CLVS1: variants seen among roughly 807,000 people sequenced by gnomAD.
The protein encoded by CLVS1 is clavesin 1.
Under a neutral mutation model 33.1 loss-of-function variants are expected in CLVS1, and 10 were observed. The ratio of observed to expected loss-of-function variants is 0.30; its 90% CI spans 0.19 to 0.51. The LOEUF is 0.51. Ranked by LOEUF, CLVS1 falls within the 20% of genes least tolerant of loss-of-function variation. The pLI is 0.97. For missense variants in CLVS1, 343 were observed against 433.4 expected, an observed-to-expected ratio of 0.79 and a Z score of 1.85; for synonymous variants, 163 against 166.1, an observed-to-expected ratio of 0.98 and a Z score of 0.14.
intron 1 of CLVS1, among the ~76,000 whole-genome samples, chr8:61,130,822 G>A (rs1432353896): frequency 1.3e-5 from 2 of 152,198 alleles, no homozygotes; most frequent in African/African-American, 2.4e-5. Context: ...TGCTGCCAGA[G>A]GCTCCTTAGG....
intron 2 of CLVS1, among the ~76,000 whole-genome samples, chr8:61,148,335 T>C (rs1259638678): frequency 6.6e-6 from 1 of 152,216 alleles, no homozygotes; most frequent in Non-Finnish European, 1.5e-5. Flanking sequence ...GCTTATCAAA[T>C]CTGTGGTGAC....
the CLVS1 span, among the ~76,000 whole-genome samples, chr8:60,994,064 A>G: frequency 6.6e-6 from 1 of 152,170 alleles, no homozygotes; most frequent in African/African-American, 2.4e-5. Flanking sequence ...GGTGGCTTAA[A>G]CAGCAGAAAT....
At chr8:61,448,345 T>C (rs1317240508) in intron 3 of CLVS1, among the ~76,000 whole-genome samples, 1 of 152,108 alleles carries the variant, frequency 6.6e-6, no homozygotes, top group Admixed American at 6.5e-5. Flanking sequence ...AGCCTCGATC[T>C]CTCTCCTTCC....
At chr8:61,331,852 T>TC (rs1563499949) in intron 2 of CLVS1, among the ~76,000 whole-genome samples, 16 of 141,710 alleles carry the variant, frequency 1.1e-4, no homozygotes, top group African/African-American at 4.8e-4. Flanking sequence ...TCCTCCTCCT[T>TC]CTTCTTCTCC....
chr8:61,038,832 TC>T, the CLVS1 span, among the ~76,000 whole-genome samples: 2 of 152,202 alleles, frequency 1.3e-5, no homozygotes, highest in African/African-American at 4.8e-5. Flanking sequence ...ATGAAGTGAC[TC>T]CGGACACTCA....
At position 61,081,218 on chromosome 8, in the gene CLVS1, C is replaced by T. The variant is rs548293442; in HGVS notation, c.-243+23988C>T. 9.2e-5 allele frequency among the ~76,000 whole-genome samples: 14 copies of T among 152,214 alleles called. No homozygotes were observed. The South Asian group carries it at 2.9e-3, about 32-fold the overall frequency. On this transcript the variant is annotated intron_variant, in intron 1 of 2. Coordinates refer to the CLVS1 transcript ENST00000522621. ...ACTGAGTTGCTTGGGAAGAGATCTG[C>T]AGAGAGCTGATAGAGTGCCCTCTGA...
intron 3 of CLVS1, among the ~76,000 whole-genome samples, chr8:61,448,193 A>G (rs1340978659): frequency 6.6e-6 from 1 of 152,058 alleles, no homozygotes; most frequent in East Asian, 1.9e-4. Flanking sequence ...TGAGCTTTCA[A>G]AAATATAATT....
At chr8:61,369,834 T>C (rs1404570461) in intron 2 of CLVS1, among the ~76,000 whole-genome samples, 1 of 152,174 alleles carries the variant, frequency 6.6e-6, no homozygotes, top group Non-Finnish European at 1.5e-5. Flanking sequence ...GGAGGATTTT[T>C]CCCCAGTCTA....
At chr8:61,344,908 G>T (rs539222491) in intron 2 of CLVS1, among the ~76,000 whole-genome samples, 3 of 151,970 alleles carry the variant, frequency 2.0e-5, no homozygotes, top group African/African-American at 4.8e-5. Context: ...AAAAAAAAAG[G>T]TGTAATTCCA....
At chr8:60,974,179 C>CT in the CLVS1 span, among the ~76,000 whole-genome samples, 671 of 152,278 alleles carry the variant, frequency 4.4e-3, 2 homozygotes, top group Middle Eastern at 0.01. Context: ...GAATTCACTG[C>CT]TTTTTTTCAA....
intron 3 of CLVS1, among the ~76,000 whole-genome samples, chr8:61,413,257 A>G (rs1815304264): frequency 6.6e-6 from 1 of 152,220 alleles, no homozygotes; most frequent in South Asian, 2.1e-4. Context: ...CTACAGTAAT[A>G]TTCACAAAAT....
At chr8:61,160,200 T>C (rs894591259) in intron 2 of CLVS1, among the ~76,000 whole-genome samples, 2 of 152,200 alleles carry the variant, frequency 1.3e-5, no homozygotes, top group African/African-American at 4.8e-5. Context: ...TAACCTTAAA[T>C]TTTTACATAC....
At chr8:61,153,071 G>C (rs1031554181) in intron 2 of CLVS1, among the ~76,000 whole-genome samples, 10 of 152,246 alleles carry the variant, frequency 6.6e-5, no homozygotes, top group African/African-American at 1.9e-4. Flanking sequence ...CGGAGGCTGA[G>C]GGGGGCTGCA....
the CLVS1 span, among the ~76,000 whole-genome samples, chr8:60,991,488 C>A: frequency 7.2e-5 from 11 of 152,222 alleles, no homozygotes; most frequent in Admixed American, 7.2e-4. Flanking sequence ...TCCTTCCTCA[C>A]AGCAGATCCT....
At chr8:61,328,612 C>T (rs1811473157) in intron 2 of CLVS1, among the ~76,000 whole-genome samples, 2 of 152,014 alleles carry the variant, frequency 1.3e-5, no homozygotes, top group South Asian at 4.2e-4. Context: ...AAATCGATTA[C>T]TTCCATAAAG....
At chr8:61,456,595 A>G (rs913165726) in intron 4 of CLVS1, among the ~76,000 whole-genome samples, 2 of 152,232 alleles carry the variant, frequency 1.3e-5, no homozygotes, top group Middle Eastern at 3.4e-3. Context: ...AGTGTTTATT[A>G]TTGAGGTCCT....
At chr8:60,974,778 C>T in the CLVS1 span, among the ~76,000 whole-genome samples, 1 of 105,024 alleles carries the variant, frequency 9.5e-6, no homozygotes, top group Admixed American at 1.0e-4. Context: ...GACTCCATCT[C>T]AAAAAAAAAA....
At chr8:61,121,341 C>G (rs1229968936) in intron 1 of CLVS1, among the ~76,000 whole-genome samples, 1 of 152,248 alleles carries the variant, frequency 6.6e-6, no homozygotes, top group Non-Finnish European at 1.5e-5. Flanking sequence ...TTCTGCGTCG[C>G]TCACGCTGGG....
At chr8:61,385,705 TTA>T (rs1814055528) in intron 3 of CLVS1, among the ~76,000 whole-genome samples, 2 of 152,338 alleles carry the variant, frequency 1.3e-5, no homozygotes, top group African/African-American at 4.8e-5. Flanking sequence ...TGTACTGACT[TTA>T]TTTTCAGTCA....
Sources: gnomAD v4.1 joint callset for allele counts (sites outside exome capture counted in the v4.1 genomes callset) on GRCh38, gnomAD v4.1.1 for gene constraint, MANE v1.5 for transcripts, NCBI Gene and HGNC (gene_info 2026-07-23, HGNC 2026-07-21) for gene names.